Variants in CPNE4 observed in about 807,000 individuals in gnomAD.
The protein encoded by CPNE4 is copine 4.
A neutral mutation model predicts 67.9 loss-of-function variants in CPNE4; 25 were observed. The observed-to-expected ratio is 0.37, with a 90% CI of 0.27 to 0.51. The LOEUF is 0.51. CPNE4 is among the 20% of genes least tolerant of loss of function. CPNE4 has a pLI of 0.93. For synonymous variants in CPNE4, 242 were observed against 244.9 expected (o/e 0.99, Z 0.11); for missense variants, 464 against 690.8 (o/e 0.67, Z 3.68).
intron 1 of CPNE4, among the ~76,000 whole-genome samples, chr3:131,943,881 T>G (rs2071472527): frequency 6.6e-6 from 1 of 152,156 alleles, no homozygotes; most frequent in South Asian, 2.1e-4. Flanking sequence ...CATACCAGAC[T>G]GATTTCAATC....
intron 2 of CPNE4, among the ~76,000 whole-genome samples, chr3:131,724,308 G>A (rs2081954627): frequency 6.6e-6 from 1 of 151,942 alleles, no homozygotes; most frequent in South Asian, 2.1e-4. Context: ...AATTCCCTGG[G>A]CCTCAGTTTT....
At chr3:131,594,807 G>A (rs530306034) in intron 7 of CPNE4, among the ~76,000 whole-genome samples, 1 of 152,052 alleles carries the variant, frequency 6.6e-6, no homozygotes. Context: ...ATCTCATAAA[G>A]GTTTAATTGT....
At chr3:131,721,095 A>C (rs2081871645) in intron 3 of CPNE4, among the ~76,000 whole-genome samples, 1 of 152,184 alleles carries the variant, frequency 6.6e-6, no homozygotes, top group African/African-American at 2.4e-5. Flanking sequence ...AACAAAGCTT[A>C]TGATAATCGC....
rs987656993 is a variant in CPNE4, at chr3:131,806,422, C to T, written c.181-82797G>A. On this transcript the variant is annotated intron_variant, in intron 2 of 15. Transcript: ENST00000429747. ...AAAATTAGCCGGGCATAGTGGCGGG[C>T]GCCTGTAATCCCAGCTACTCTGGAG... Among the ~76,000 whole-genome samples, 56 of 151,008 alleles carry T rather than the reference C, an allele frequency of 3.7e-4. 1 individual carries two copies. In the South Asian group the frequency reaches 9.4e-3, roughly 25 times the overall value.
chr3:131,743,980 A>AC (rs1553763723), intron 2 of CPNE4, among the ~76,000 whole-genome samples: 6 of 148,950 alleles, frequency 4.0e-5, no homozygotes, highest in Non-Finnish European at 7.4e-5. Context: ...AAAAAAAAAA[A>AC]AAAACAATAA....
chr3:131,586,784 T>C (rs1278331465), intron 8 of CPNE4, among the ~76,000 whole-genome samples: 2 of 151,916 alleles, frequency 1.3e-5, no homozygotes, highest in African/African-American at 2.4e-5. Flanking sequence ...AGATATTATA[T>C]GATATGAAAG....
chr3:131,888,072 A>G (rs1422237739), intron 2 of CPNE4, among the ~76,000 whole-genome samples: 2 of 152,210 alleles, frequency 1.3e-5, no homozygotes, highest in Non-Finnish European at 2.9e-5. Flanking sequence ...GAGGTCCTAG[A>G]CATTGTGGAA....
At chr3:131,687,918 A>G (rs1374501964) in intron 5 of CPNE4, among the ~76,000 whole-genome samples, 1 of 152,222 alleles carries the variant, frequency 6.6e-6, no homozygotes, top group Non-Finnish European at 1.5e-5. Flanking sequence ...TTTTTCACAG[A>G]CATAGAGGGG....
intron 1 of CPNE4, among the ~76,000 whole-genome samples, chr3:131,981,604 C>T (rs1018415926): frequency 9.9e-5 from 15 of 152,276 alleles, no homozygotes; most frequent in African/African-American, 3.4e-4. Context: ...CGAGTTCTGG[C>T]CAGAAGGCTT....
rs557271191 is a variant in CPNE4 at position 131,783,656 on chromosome 3, G to A, written c.181-60031C>T. On this transcript the variant is annotated intron_variant, in intron 2 of 15. Transcript: ENST00000429747. ...CTCCAGTTCTCCTAAGTTCACTGGG[G>A]TATATTGATATCCTCTTATTAAGTT... Among the ~76,000 whole-genome samples, 7 of 152,144 alleles carry A rather than the reference G, an allele frequency of 4.6e-5. No homozygotes were observed. The East Asian group carries it at 1.2e-3, about 25-fold the overall frequency.
rs1560322538 is a variant in CPNE4 at position 131,792,685 on chromosome 3, G to GTGTATATA, written c.181-69068_181-69061dup. 2.1e-3 allele frequency among the ~76,000 whole-genome samples: 90 copies of GTGTATATA among 42,898 alleles called. 1 individual carries two copies. The highest frequency in any genetic ancestry group is 3.3e-3 in the East Asian group (5 of 1,534). 28.1% of individuals were successfully genotyped at this position (42,898 alleles called of 152,430 possible). A position where few individuals can be genotyped will look rare whatever the true frequency, so the allele number is the denominator to read the frequency against. On this transcript the variant is annotated intron_variant, in intron 2 of 15. Transcript: ENST00000429747. ...CGTGTATATATACATATATACACACGTGTATATATACATATACACACACGT... is the reference window on the plus strand; with the variant it reads ...CGTGTATATATACATATATACACACGTGTATATATGTATATATACATATACACACACGT...
intron 6 of CPNE4, among the ~76,000 whole-genome samples, chr3:131,683,073 G>A (rs989875739): frequency 3.3e-5 from 5 of 152,148 alleles, no homozygotes; most frequent in East Asian, 1.9e-4. Flanking sequence ...CAGAAATGCT[G>A]TGCAAGAGCC....
chr3:132,037,481 C>G, upstream of CPNE4: 1 of 1,062,814 alleles, frequency 9.4e-7, no homozygotes, highest in East Asian at 2.6e-5. Flanking sequence ...AATCACTGCC[C>G]CCACAGCAAG....
intron 1 of CPNE4, among the ~76,000 whole-genome samples, chr3:131,910,696 T>C (rs1290805790): frequency 6.6e-6 from 1 of 152,118 alleles, no homozygotes; most frequent in African/African-American, 2.4e-5. Flanking sequence ...CAATCAGGCA[T>C]TCCCAAGAAA....
At chr3:131,825,111 T>C (rs1408879592) in intron 2 of CPNE4, among the ~76,000 whole-genome samples, 1 of 152,132 alleles carries the variant, frequency 6.6e-6, no homozygotes, top group Non-Finnish European at 1.5e-5. Context: ...GTAATAAATT[T>C]TCCAAATGAA....
chr3:131,620,362 AT>A, intron 7 of CPNE4: 1 of 662,370 alleles, frequency 1.5e-6, no homozygotes, highest in Non-Finnish European at 1.9e-6. Flanking sequence ...AAGGTTTTAA[AT>A]TGACAAACTA....
At chr3:131,836,146 C>T (rs1417423112) in intron 2 of CPNE4, among the ~76,000 whole-genome samples, 1 of 152,118 alleles carries the variant, frequency 6.6e-6, no homozygotes, top group African/African-American at 2.4e-5. Flanking sequence ...ATCAGAATAG[C>T]ATTTTTAAAG....
intron 1 of CPNE4, among the ~76,000 whole-genome samples, chr3:131,924,974 A>G (rs1201571374): frequency 6.6e-6 from 1 of 152,176 alleles, no homozygotes; most frequent in East Asian, 1.9e-4. Flanking sequence ...TTAAGTCAGG[A>G]CAGATCCTGT....
At chr3:131,774,343 A>G (rs2083244053) in intron 2 of CPNE4, among the ~76,000 whole-genome samples, 1 of 152,028 alleles carries the variant, frequency 6.6e-6, no homozygotes, top group Admixed American at 6.6e-5. Flanking sequence ...CGGTAAGAAA[A>G]AAAAAAAAGG....
Sources: gnomAD v4.1 joint callset for allele counts (sites outside exome capture counted in the v4.1 genomes callset) on GRCh38, gnomAD v4.1.1 for gene constraint, MANE v1.5 for transcripts, NCBI Gene and HGNC (gene_info 2026-07-23, HGNC 2026-07-21) for gene names.